The following PCDHA8 variants were observed in gnomAD, a reference collection of about 807,000 sequenced individuals.
PCDHA8 encodes the protein protocadherin alpha 8.
PCDHA8 carries 53 observed loss-of-function variants against 61.8 expected under a neutral mutation model. The ratio of observed to expected loss-of-function variants is 0.86; its 90% CI spans 0.69 to 1.08. PCDHA8 has a LOEUF of 1.08. Ranked by LOEUF, PCDHA8 falls within the 50% of genes least tolerant of loss-of-function variation. The pLI is 0.00. For synonymous variants in PCDHA8, 618 were observed against 556.6 expected, an observed-to-expected ratio of 1.11 and a Z score of -1.55; for missense variants, 1,293 against 1,245.0, an observed-to-expected ratio of 1.04 and a Z score of -0.58.
intron 1 of PCDHA8, among the ~76,000 whole-genome samples, chr5:140,924,901 A>AAAAAAAATAAAT (rs369245222): frequency 1.2e-5 from 1 of 80,456 alleles, no homozygotes; most frequent in Non-Finnish European, 2.7e-5. Flanking sequence ...TCTCAAAAAA[A>AAAAAAAATAAAT]AAAATAAAAT....
intron 1 of PCDHA8, chr5:140,857,366 G>C: frequency 2.5e-6 from 4 of 1,598,350 alleles, no homozygotes; most frequent in Non-Finnish European, 3.4e-6. Flanking sequence ...CACGGCCAGC[G>C]TGTCTGTGGA....
rs116952410 is a variant in PCDHA8, at chr5:140,893,392, C to A, written c.2394+49677C>A. On this transcript the variant is annotated intron_variant, in intron 1 of 3. Coordinates refer to ENST00000531613, the MANE Select transcript of PCDHA8 (RefSeq NM_018911.3). ...AGCATTTATGGGACAGTGGCTCATG[C>A]CTGTAATCCCAGCACTTAGGGAGGC... 2.0e-5 allele frequency among the ~76,000 whole-genome samples: 3 copies of A among 152,230 alleles called. No individual in the cohort carries two copies. The East Asian group carries it at 5.8e-4, about 29-fold the overall frequency.
At position 140,927,110 on chromosome 5, in the gene PCDHA8, G is replaced by T; in HGVS notation, c.2395-51839G>T. The T allele has an allele frequency of 3.7e-6, 6 of 1,613,752 alleles. No individual in the cohort carries two copies. The Middle Eastern group carries it at 8.3e-4, about 222-fold the overall frequency. On this transcript the variant is annotated intron_variant, in intron 1 of 3. Transcript: ENST00000531613. ...TACTTCGGGGTGGATCTACCCAGCG[G>T]CAATTTGGTGGTCAGAGAGCCGGCG...
At chr5:140,850,689 T>A in intron 1 of PCDHA8, 2 of 1,594,932 alleles carry the variant, frequency 1.3e-6, no homozygotes, top group Non-Finnish European at 1.7e-6. Context: ...CGAGGGCGAG[T>A]GCGCGCCTGG....
At chr5:140,915,479 G>T (rs1170530979) in intron 1 of PCDHA8, among the ~76,000 whole-genome samples, 1 of 151,948 alleles carries the variant, frequency 6.6e-6, no homozygotes, top group African/African-American at 2.4e-5. Flanking sequence ...AAGGAGCTTG[G>T]GCCTCAATCC....
At chr5:140,883,577 G>A (rs782633953) in intron 1 of PCDHA8, 3 of 1,614,052 alleles carry the variant, frequency 1.9e-6, no homozygotes, top group Non-Finnish European at 2.5e-6. Context: ...TTCGCTGTGG[G>A]CCACGGCCAG....
At chr5:140,961,690 C>T (rs573918307) in intron 1 of PCDHA8, among the ~76,000 whole-genome samples, 2 of 152,154 alleles carry the variant, frequency 1.3e-5, no homozygotes, top group African/African-American at 4.8e-5. Context: ...CGGAGTAGTC[C>T]TTAGTATGAA....
chr5:140,883,175 A>G lies in PCDHA8; in HGVS notation c.2394+39460A>G, dbSNP rs1554177014. ...CATAAATCCGAACAATGGAGAAATTAGGACAAAAGGCAAACTAGATTTCGA... is the reference window on the plus strand; with the variant it reads ...CATAAATCCGAACAATGGAGAAATTGGGACAAAAGGCAAACTAGATTTCGA... On this transcript the variant is annotated intron_variant, in intron 1 of 3. Coordinates refer to ENST00000531613, the MANE Select transcript of PCDHA8 (RefSeq NM_018911.3). 3 of 1,614,060 alleles carry G rather than the reference A, an allele frequency of 1.9e-6. No individual in the cohort carries two copies. Among genetic ancestry groups the G allele is most frequent in the East Asian group, 4.5e-5 (2 of 44,892 alleles).
At chr5:140,967,424 G>A (rs1554229541) in intron 1 of PCDHA8, 4 of 1,613,184 alleles carry the variant, frequency 2.5e-6, no homozygotes, top group Non-Finnish European at 2.5e-6. Context: ...CCGGGAGCAG[G>A]CAGCCTTGCA....
rs111391918 is a variant in PCDHA8 at position 140,984,395 on chromosome 5, G to A, written c.2542+1832G>A. ...CCCTCTTTCAGATTCAAAAAATGTTGAGAACCTATCTTTTTTACAGAGATA... is the reference window on the plus strand; with the variant it reads ...CCCTCTTTCAGATTCAAAAAATGTTAAGAACCTATCTTTTTTACAGAGATA... On this transcript the variant is annotated intron_variant, in intron 3 of 3. Coordinates refer to ENST00000531613, the MANE Select transcript of PCDHA8 (RefSeq NM_018911.3). 6.4e-3 allele frequency among the ~76,000 whole-genome samples: 978 copies of A among 152,194 alleles called. 14 individuals are homozygous for A. Among genetic ancestry groups the A allele is most frequent in the African/African-American group, 0.023 (947 of 41,508 alleles).
chr5:140,877,015 G>C (rs371309003), intron 1 of PCDHA8: 9 of 1,612,358 alleles, frequency 5.6e-6, no homozygotes, highest in Non-Finnish European at 7.6e-6. Context: ...CGCGGAGAGC[G>C]GCAAGGTGTA....
intron 3 of PCDHA8, among the ~76,000 whole-genome samples, chr5:140,983,911 G>A (rs546792762): frequency 6.6e-6 from 1 of 152,290 alleles, no homozygotes; most frequent in East Asian, 1.9e-4. Flanking sequence ...ATTCTAATCA[G>A]CCAGGATTTG....
At chr5:140,888,959 A>G (rs1554183707) in intron 1 of PCDHA8, among the ~76,000 whole-genome samples, 1 of 152,024 alleles carries the variant, frequency 6.6e-6, no homozygotes, top group African/African-American at 2.4e-5. Flanking sequence ...TTCTTTGGCA[A>G]TGTTAATGTG....
intron 1 of PCDHA8, among the ~76,000 whole-genome samples, chr5:140,904,227 C>T (rs1373458999): frequency 5.9e-5 from 9 of 151,978 alleles, no homozygotes; most frequent in African/African-American, 2.2e-4. Context: ...TTGTATTATA[C>T]TTATGCCTTT....
chr5:141,009,946 A>G lies in PCDHA8; in HGVS notation c.*9A>G, dbSNP rs781855183. On this transcript the variant is annotated 3_prime_UTR_variant, in exon 4 of 4. Transcript: ENST00000531613. ...ACAACAGTGACCAGTGAGGTCCTCA[A>G]ATGGAAACAAGCCACTTAGCCAGTT... 8.8e-6 allele frequency: 14 copies of G among 1,596,354 alleles called. No homozygotes were observed. The highest frequency in any genetic ancestry group is 1.7e-4 in the Middle Eastern group (1 of 5,948).
At chr5:140,876,955 G>C in intron 1 of PCDHA8, 1 of 1,613,390 alleles carries the variant, frequency 6.2e-7, no homozygotes, top group Admixed American at 1.7e-5. Flanking sequence ...CTACTCGCTG[G>C]TGGAGCGGCG....
chr5:140,923,019 C>T (rs540025993), intron 1 of PCDHA8, among the ~76,000 whole-genome samples: 4 of 152,168 alleles, frequency 2.6e-5, no homozygotes, highest in South Asian at 2.1e-4. Context: ...ACTGCAGTTT[C>T]GGACTCTATT....
At chr5:141,007,419 T>C (rs1554261276) in intron 3 of PCDHA8, among the ~76,000 whole-genome samples, 3 of 141,394 alleles carry the variant, frequency 2.1e-5, no homozygotes, top group African/African-American at 5.2e-5. Flanking sequence ...AAAAAAAAAA[T>C]TAGCCAGGCA....
chr5:140,995,685 T>C (rs951521178), intron 3 of PCDHA8, among the ~76,000 whole-genome samples: 8 of 152,186 alleles, frequency 5.3e-5, no homozygotes, highest in African/African-American at 1.9e-4. Flanking sequence ...TTTTTTTTAA[T>C]TGTTAAATAA....
Sources: allele counts gnomAD v4.1 joint callset (sites outside exome capture counted in the v4.1 genomes callset), GRCh38; gene constraint gnomAD v4.1.1; transcripts MANE v1.5; gene names NCBI Gene and HGNC (gene_info 2026-07-23, HGNC 2026-07-21).